Variants in XPNPEP1 observed in about 807,000 individuals in gnomAD.
XPNPEP1 encodes the protein xaa-Pro aminopeptidase 1.
In XPNPEP1, 39 loss-of-function variants were observed where a neutral mutation model predicts 92.4. The ratio of observed to expected loss-of-function variants is 0.42; its 90% confidence interval spans 0.33 to 0.55. XPNPEP1 has a LOEUF of 0.55. Among genes scored for constraint, XPNPEP1 ranks in the 20% least tolerant of loss-of-function variants. The pLI is 0.08. For missense variants in XPNPEP1, 654 were observed against 856.1 expected (o/e 0.76, Z 2.95); for synonymous variants, 307 against 299.4 (o/e 1.03, Z -0.26).
At chr10:109,874,187 G>A (rs1324751256) in intron 15 of XPNPEP1, among the ~76,000 whole-genome samples, 1 of 152,204 alleles carries the variant, frequency 6.6e-6, no homozygotes, top group East Asian at 1.9e-4. Flanking sequence ...ATGCAGGGAT[G>A]GCTAAATAAA....
chr10:109,891,899 G>C, intron 4 of XPNPEP1, 73 bp from the exon 5 acceptor site: 1 of 1,483,010 alleles, frequency 6.7e-7, no homozygotes, highest in Non-Finnish European at 9.3e-7. Flanking sequence ...CAAAATGACA[G>C]TAGACAGGCA....
At chr10:109,916,428 ACTGTGGGGC>A (rs1450802188) in intron 1 of XPNPEP1, among the ~76,000 whole-genome samples, 1 of 152,242 alleles carries the variant, frequency 6.6e-6, no homozygotes, top group Non-Finnish European at 1.5e-5. Context: ...CAGGGGGCCT[ACTGTGGGGC>A]CATAGAAAAG....
Position 109,877,874 on chromosome 10 carries a change from C to A in XPNPEP1, c.1242-7G>T. Reference sequence around the variant, plus strand: ...CACAAAGTCTGCCTGTTGCCTGTAACAGAAAGACAGAAAGCAGAGTGGCTT... The same window carrying A: ...CACAAAGTCTGCCTGTTGCCTGTAAAAGAAAGACAGAAAGCAGAGTGGCTT... On this transcript the variant is annotated splice_region_variant and splice_polypyrimidine_tract_variant and intron_variant, in intron 13 of 20. Coordinates refer to ENST00000502935, the MANE Select transcript of XPNPEP1 (RefSeq NM_020383.4). The A allele has an allele frequency of 3.1e-6, 5 of 1,614,224 alleles. No individual in the cohort carries two copies. Among genetic ancestry groups the A allele is most frequent in the Non-Finnish European group, 4.2e-6 (5 of 1,180,034 alleles).
intron 16 of XPNPEP1, among the ~76,000 whole-genome samples, chr10:109,872,109 ACT>A (rs1251138530): frequency 6.6e-6 from 1 of 152,186 alleles, no homozygotes; most frequent in Non-Finnish European, 1.5e-5. Flanking sequence ...TATAATGAAC[ACT>A]CTGACATACT....
chr10:109,877,480 C>T, intron 14 of XPNPEP1: 1 of 258,648 alleles, frequency 3.9e-6, no homozygotes, highest in South Asian at 6.5e-5. Context: ...AAAAAAAAAA[C>T]TTAGTCATCA....
At chr10:109,917,616 T>G (rs1487468896) in intron 1 of XPNPEP1, among the ~76,000 whole-genome samples, 1 of 152,140 alleles carries the variant, frequency 6.6e-6, no homozygotes, top group Non-Finnish European at 1.5e-5. Flanking sequence ...AGGTTGAAAC[T>G]GACAAGCAGA....
intron 1 of XPNPEP1, among the ~76,000 whole-genome samples, chr10:109,918,825 A>G (rs1481837195): frequency 7.0e-6 from 1 of 142,400 alleles, no homozygotes; most frequent in South Asian, 2.3e-4. Flanking sequence ...AAAGGAAAGA[A>G]AGGAAAGGAG....
chr10:109,910,438 G>A (rs1397476856), intron 2 of XPNPEP1, among the ~76,000 whole-genome samples: 1 of 151,994 alleles, frequency 6.6e-6, no homozygotes, highest in Non-Finnish European at 1.5e-5. Context: ...TAGCTACTCA[G>A]GAGGCTGAGG....
chr10:109,907,784 C>A lies in XPNPEP1; in HGVS notation c.153G>T (p.Glu51Asp). The A allele has an allele frequency of 6.2e-7, 1 of 1,614,222 alleles. No individual in the cohort carries two copies. The highest frequency in any genetic ancestry group is 8.5e-7 in the Non-Finnish European group (1 of 1,180,042). ...TGGCTTGTCTCAGCTGCCGAAGCAG[C>A]TCTGAAGTCACCTTTGGAGGCATTC... ...DGRMPPKVTSELLRQLRQAMR... is the reference protein window; with the variant it reads ...DGRMPPKVTSDLLRQLRQAMR... The change falls in exon 3 of 21, where the codon GAG (glutamate) becomes GAT (aspartate). Residue 51 changes from glutamate to aspartate, a missense_variant. Glu to Asp is a conservative substitution (Grantham distance 45, BLOSUM62 2). Coordinates refer to ENST00000502935, the MANE Select transcript of XPNPEP1 (RefSeq NM_020383.4).
chr10:109,910,730 A>G (rs949537052), intron 2 of XPNPEP1, among the ~76,000 whole-genome samples: 1 of 152,160 alleles, frequency 6.6e-6, no homozygotes, highest in Non-Finnish European at 1.5e-5. Flanking sequence ...GCTGCTATAA[A>G]CATCTGTGTG....
At chr10:109,890,632 AAG>A (rs1295107371) in intron 5 of XPNPEP1, among the ~76,000 whole-genome samples, 1 of 124,044 alleles carries the variant, frequency 8.1e-6, no homozygotes, top group Non-Finnish European at 1.8e-5. Context: ...GAGAAAGGGA[AAG>A]AGAAATCAAC....
chr10:109,888,027 G>A (rs1320260384), intron 7 of XPNPEP1, 22 bp downstream of exon 7: 8 of 1,612,714 alleles, frequency 5.0e-6, no homozygotes, highest in Non-Finnish European at 5.9e-6. Context: ...GGGCCCTGCT[G>A]GGCAGAACCA....
intron 2 of XPNPEP1, among the ~76,000 whole-genome samples, chr10:109,913,728 T>G (rs1199575440): frequency 6.6e-6 from 1 of 152,210 alleles, no homozygotes; most frequent in Non-Finnish European, 1.5e-5. Flanking sequence ...AATAGAGCCT[T>G]AAAGTGTTCT....
Position 109,891,817 on chromosome 10 carries a change from ATG to A in XPNPEP1, c.318_319del (p.Ile107HisfsTer11). 1 of 1,611,254 alleles carries A rather than the reference ATG, an allele frequency of 6.2e-7. No homozygotes were observed. The highest frequency in any genetic ancestry group is 8.5e-7 in the Non-Finnish European group (1 of 1,179,162). ...CATGGCTGCATGCTCTTCTGTGATG[ATG>A]GCTGTGCCTGAAGCAGGGGAGAAAA... On this transcript the variant is annotated frameshift_variant, in exon 5 of 21. Transcript: ENST00000502935. LOFTEE classifies it high-confidence loss of function.
At chr10:109,891,597 T>A in intron 5 of XPNPEP1, 125 bp downstream of exon 5, 1 of 756,778 alleles carries the variant, frequency 1.3e-6, no homozygotes. Flanking sequence ...TTTCTCAGTT[T>A]TCCTTGGATT....
chr10:109,896,879 T>C (rs1010507661), intron 3 of XPNPEP1, among the ~76,000 whole-genome samples: 5 of 152,226 alleles, frequency 3.3e-5, no homozygotes, highest in Admixed American at 1.3e-4. Context: ...CCCTGGAGCC[T>C]GCAGAAGTAA....
chr10:109,909,780 AT>A (rs1324544233), intron 2 of XPNPEP1, among the ~76,000 whole-genome samples: 2 of 152,218 alleles, frequency 1.3e-5, no homozygotes, highest in African/African-American at 4.8e-5. Flanking sequence ...TTTCCAACTC[AT>A]TTTTAATAGA....
At chr10:109,896,799 G>T (rs1849017287) in intron 3 of XPNPEP1, among the ~76,000 whole-genome samples, 1 of 152,036 alleles carries the variant, frequency 6.6e-6, no homozygotes, top group Non-Finnish European at 1.5e-5. Context: ...TACGAAGATG[G>T]ACGAAGGGAC....
chr10:109,880,893 G>A lies in XPNPEP1; in HGVS notation c.1080C>T (p.Ile360=), dbSNP rs138300438. Residue 360 remains isoleucine (I), a synonymous_variant, in exon 11 of 21, where the codon ATC becomes ATT. Coordinates refer to ENST00000502935, the MANE Select transcript of XPNPEP1 (RefSeq NM_020383.4). The stretch of plus-strand genomic sequence containing the variant: ...CAGCTGAATTCTTCACAGCTTTGGC[G>A]ATGCAGATGGGGGTGTAAGGCATAC... ...RCCMPYTPIC[I]AKAVKNSAES... The A allele has an allele frequency of 6.4e-3, 10,316 of 1,614,054 alleles. 54 individuals carry two copies. The highest frequency in any genetic ancestry group is 8.1e-3 in the Non-Finnish European group (9,514 of 1,179,980).
Sources: gnomAD v4.1 joint callset for allele counts (sites outside exome capture counted in the v4.1 genomes callset) on GRCh38, gnomAD v4.1.1 for gene constraint, MANE v1.5 for transcripts, NCBI Gene and HGNC (gene_info 2026-07-23, HGNC 2026-07-21) for gene names.